TMEM178B: variants seen among roughly 807,000 people sequenced by gnomAD.
TMEM178B encodes the protein transmembrane protein 178B.
A neutral mutation model predicts 31.0 loss-of-function variants in TMEM178B; 5 were observed. The ratio of observed to expected loss-of-function variants is 0.16; its 90% confidence interval spans 0.08 to 0.34. The LOEUF (loss-of-function observed/expected upper bound fraction) is 0.34, where lower values mean the gene tolerates loss of function less well. TMEM178B is among the 10% of genes least tolerant of loss of function. The probability of loss-of-function intolerance (pLI) is 1.00; values close to 1 mark genes in which losing one functional copy is unlikely to be tolerated. For synonymous variants in TMEM178B, 164 were observed against 164.0 expected (o/e 1.00, Z 0.00); for missense variants, 275 against 400.3 (o/e 0.69, Z 2.67).
At chr7:141,410,655 G>A (rs556142290) in intron 2 of TMEM178B, among the ~76,000 whole-genome samples, 3 of 152,082 alleles carry the variant, frequency 2.0e-5, no homozygotes, top group Middle Eastern at 3.4e-3. Context: ...CAGCCTCAGA[G>A]GTGCGGTGAC....
At position 141,196,760 on chromosome 7, in the gene TMEM178B, A is replaced by T. The variant is rs1464630534; in HGVS notation, c.383-15831A>T. Among the ~76,000 whole-genome samples the T allele has an allele frequency of 2.0e-5, 3 of 152,214 alleles. No individual in the cohort carries two copies. In the East Asian group the frequency reaches 5.8e-4, roughly 29 times the overall value. On this transcript the variant is annotated intron_variant, in intron 1 of 3. Coordinates refer to ENST00000565468, the MANE Select transcript of TMEM178B (RefSeq NM_001195278.2). ...CTTTCATGTCTTGGGGATCTCGTGC[A>T]TGTGTGGAGGAGATGTGCTGGAGAA...
chr7:141,095,441 T>G (rs1794944463), intron 1 of TMEM178B, among the ~76,000 whole-genome samples: 1 of 152,226 alleles, frequency 6.6e-6, no homozygotes. Flanking sequence ...CATAAAATGT[T>G]TTTTGGAATG....
chr7:141,255,265 G>A (rs1457800970), intron 2 of TMEM178B, among the ~76,000 whole-genome samples: 3 of 152,188 alleles, frequency 2.0e-5, no homozygotes, highest in African/African-American at 7.2e-5. Flanking sequence ...GGATAGGGGT[G>A]AAGGTAGTAT....
chr7:141,287,736 C>T (rs1021577857), intron 2 of TMEM178B, among the ~76,000 whole-genome samples: 4 of 152,210 alleles, frequency 2.6e-5, no homozygotes, highest in Admixed American at 2.6e-4. Flanking sequence ...ACCTTCAGTG[C>T]TGGGCAGTGC....
At chr7:141,192,166 A>T (rs1375631287) in intron 1 of TMEM178B, among the ~76,000 whole-genome samples, 5 of 152,186 alleles carry the variant, frequency 3.3e-5, no homozygotes, top group African/African-American at 1.2e-4. Context: ...GATTTTCTGA[A>T]TTCTGGCCCA....
chr7:141,241,673 G>A (rs1797625035), intron 2 of TMEM178B, among the ~76,000 whole-genome samples: 5 of 151,832 alleles, frequency 3.3e-5, no homozygotes, highest in African/African-American at 4.8e-5. Context: ...ACGTGGTGGC[G>A]TTGGTTTCTG....
At chr7:141,275,353 CA>C (rs1378761256) in intron 2 of TMEM178B, among the ~76,000 whole-genome samples, 1 of 152,168 alleles carries the variant, frequency 6.6e-6, no homozygotes, top group Non-Finnish European at 1.5e-5. Context: ...CTTATAGCTG[CA>C]GTTTTTATGA....
intron 1 of TMEM178B, among the ~76,000 whole-genome samples, chr7:141,183,135 T>C (rs1796557171): frequency 1.3e-5 from 2 of 152,228 alleles, no homozygotes; most frequent in Admixed American, 6.5e-5. Context: ...CAATGTTGGC[T>C]ATACATCCTA....
intron 1 of TMEM178B, among the ~76,000 whole-genome samples, chr7:141,178,481 A>G (rs571434052): frequency 2.0e-5 from 3 of 152,360 alleles, no homozygotes; most frequent in Admixed American, 1.3e-4. Context: ...TTAAATGTCC[A>G]GATTACTTAC....
At chr7:141,210,901 T>G (rs1797043065) in intron 1 of TMEM178B, among the ~76,000 whole-genome samples, 1 of 152,066 alleles carries the variant, frequency 6.6e-6, no homozygotes, top group African/African-American at 2.4e-5. Context: ...CCTGCAGAAT[T>G]TGGTGACCAG....
At chr7:141,127,895 T>A (rs1444969466) in intron 1 of TMEM178B, among the ~76,000 whole-genome samples, 1 of 152,150 alleles carries the variant, frequency 6.6e-6, no homozygotes, top group Non-Finnish European at 1.5e-5. Flanking sequence ...TAGGTTCAGT[T>A]CTTTTGCACC....
intron 2 of TMEM178B, among the ~76,000 whole-genome samples, chr7:141,240,485 C>G (rs952291660): frequency 6.6e-6 from 1 of 152,302 alleles, no homozygotes; most frequent in South Asian, 2.1e-4. Context: ...CTTGTCTCTT[C>G]CATGGATGAT....
In TMEM178B at chr7:141,475,320, C is replaced by T. The variant is rs1246008870; in HGVS notation, c.*4534C>T. The T allele has an allele frequency of 1.3e-5, 2 of 152,126 alleles. No individual in the cohort carries two copies. Among genetic ancestry groups the T allele is most frequent in the African/African-American group, 4.8e-5 (2 of 41,406 alleles). The allele number at this position is 152,126 out of a possible 1,614,324, so 9.4% of individuals were successfully genotyped here. On this transcript the variant is annotated 3_prime_UTR_variant, in exon 4 of 4. Transcript: ENST00000565468. ...CTCAATGTCTGGGGCTGTGTTTGCC[C>T]TCTTTTCATTGATGCTGCCATGATG...
intron 2 of TMEM178B, among the ~76,000 whole-genome samples, chr7:141,435,293 G>A (rs1801514328): frequency 6.6e-6 from 1 of 152,240 alleles, no homozygotes; most frequent in Admixed American, 6.5e-5. Context: ...CCTGTTTAAG[G>A]AAGTATAAGC....
At chr7:141,380,827 G>A (rs1800301529) in intron 2 of TMEM178B, among the ~76,000 whole-genome samples, 2 of 152,206 alleles carry the variant, frequency 1.3e-5, no homozygotes, top group African/African-American at 2.4e-5. Context: ...AGTAGTCTCA[G>A]CATGCTAATC....
chr7:141,232,139 C>G (rs554260705), intron 2 of TMEM178B, among the ~76,000 whole-genome samples: 10 of 152,206 alleles, frequency 6.6e-5, no homozygotes, highest in Non-Finnish European at 1.5e-4. Context: ...AGGACATGCT[C>G]TCTTTCCATT....
At chr7:141,112,630 TC>T (rs1218436357) in intron 1 of TMEM178B, among the ~76,000 whole-genome samples, 1 of 152,236 alleles carries the variant, frequency 6.6e-6, no homozygotes, top group African/African-American at 2.4e-5. Flanking sequence ...TTTCTTCTCT[TC>T]CTTGCTTTGC....
At chr7:141,159,681 A>G (rs1437333430) in intron 1 of TMEM178B, among the ~76,000 whole-genome samples, 29 of 152,204 alleles carry the variant, frequency 1.9e-4, no homozygotes, top group Admixed American at 1.9e-3. Context: ...CATCATGCCA[A>G]GCGAAGTAAG....
intron 1 of TMEM178B, among the ~76,000 whole-genome samples, chr7:141,183,857 G>A (rs1233064449): frequency 6.6e-6 from 1 of 152,204 alleles, no homozygotes; most frequent in Admixed American, 6.5e-5. Context: ...CCACGTGCTG[G>A]TTCATGGTGG....
Sources: gnomAD v4.1 joint callset for allele counts (sites outside exome capture counted in the v4.1 genomes callset) on GRCh38, gnomAD v4.1.1 for gene constraint, MANE v1.5 for transcripts, NCBI Gene and HGNC (gene_info 2026-07-23, HGNC 2026-07-21) for gene names.